MBNL1: variants seen among roughly 807,000 people sequenced by gnomAD.
The protein encoded by MBNL1 is muscleblind like splicing regulator 1.
Under a neutral mutation model 42.2 loss-of-function variants are expected in MBNL1, and 8 were observed. The ratio of observed to expected loss-of-function variants is 0.19; its 90% CI spans 0.11 to 0.34. The LOEUF is 0.34. Ranked by LOEUF, MBNL1 falls within the 10% of genes least tolerant of loss-of-function variation. MBNL1 has a pLI of 1.00. For missense variants in MBNL1, 309 were observed against 495.3 expected, an observed-to-expected ratio of 0.62 and a Z score of 3.57; for synonymous variants, 169 against 173.9, an observed-to-expected ratio of 0.97 and a Z score of 0.22.
intron 9 of MBNL1, among the ~76,000 whole-genome samples, chr3:152,460,653 A>T (rs983751575): frequency 2.0e-5 from 3 of 151,924 alleles, no homozygotes; most frequent in African/African-American, 7.2e-5. Context: ...TTAAATACTT[A>T]AAAAGGTGTC....
intron 2 of MBNL1, among the ~76,000 whole-genome samples, chr3:152,370,416 A>G (rs2096607668): frequency 6.6e-6 from 1 of 152,150 alleles, no homozygotes; most frequent in Admixed American, 6.5e-5. Flanking sequence ...TTTTACTTCC[A>G]ATTCTGTGGT....
chr3:152,290,614 A>T (rs1297091281), intron 1 of MBNL1, among the ~76,000 whole-genome samples: 1 of 152,158 alleles, frequency 6.6e-6, no homozygotes, highest in East Asian at 1.9e-4. Context: ...TGCTACCATT[A>T]TTTAAGCAGT....
chr3:152,425,278 T>C (rs2098902945), intron 3 of MBNL1, among the ~76,000 whole-genome samples: 1 of 151,032 alleles, frequency 6.6e-6, no homozygotes, highest in African/African-American at 2.4e-5. Flanking sequence ...AAGACATTTA[T>C]GTGGCCAACA....
At chr3:152,380,145 T>C (rs999187868) in intron 2 of MBNL1, among the ~76,000 whole-genome samples, 4 of 152,122 alleles carry the variant, frequency 2.6e-5, no homozygotes, top group African/African-American at 7.2e-5. Context: ...ACTGTTAGGT[T>C]CTCTGTATTT....
rs770923985 is a variant in MBNL1, at chr3:152,464,452, GAAGTT to G, written c.*2092_*2096del. The G allele has an allele frequency of 3.1e-4, 48 of 152,620 alleles. No individual in the cohort carries two copies. The highest frequency in any genetic ancestry group is 5.6e-4 in the Non-Finnish European group (38 of 67,968). 9.5% of individuals were successfully genotyped at this position (152,620 alleles called of 1,614,324 possible). A position where few individuals can be genotyped will look rare whatever the true frequency, so the allele number is the denominator to read the frequency against. ...TAAATATATAATCATTGCTAAGTAA[GAAGTT>G]AAGTTGTTGCTATCGCAACAATCCT... On this transcript the variant is annotated 3_prime_UTR_variant, in exon 10 of 10. Coordinates refer to ENST00000324210, the MANE Select transcript of MBNL1 (RefSeq NM_021038.5).
At chr3:152,342,849 C>T (rs2093591161) in intron 2 of MBNL1, among the ~76,000 whole-genome samples, 2 of 152,068 alleles carry the variant, frequency 1.3e-5, no homozygotes, top group East Asian at 3.8e-4. Context: ...ATTGCATTAT[C>T]ATGGATAATA....
intron 1 of MBNL1, among the ~76,000 whole-genome samples, chr3:152,297,909 C>T (rs1388016311): frequency 6.6e-6 from 1 of 152,276 alleles, no homozygotes; most frequent in South Asian, 2.1e-4. Flanking sequence ...CCACCTCAGC[C>T]TCCCAAAGTG....
At chr3:152,310,981 T>G (rs1186422789) in intron 2 of MBNL1, among the ~76,000 whole-genome samples, 1 of 150,168 alleles carries the variant, frequency 6.7e-6, no homozygotes, top group African/African-American at 2.4e-5. Context: ...GTTATTTTTC[T>G]AATGCACAGA....
At position 152,434,301 on chromosome 3, in the gene MBNL1, G is replaced by T. The variant is rs2099049636; in HGVS notation, c.549+1381G>T. ...CCCCACTTACAAGTGAGAACATGTG[G>T]TTATGTGGTTTCCTGCTTCTGTATT... On this transcript the variant is annotated intron_variant, in intron 4 of 9. Transcript: ENST00000324210. 2.0e-5 allele frequency among the ~76,000 whole-genome samples: 3 copies of T among 152,288 alleles called. No homozygotes were observed. In the South Asian group the frequency reaches 6.2e-4, roughly 32 times the overall value.
intron 1 of MBNL1, among the ~76,000 whole-genome samples, chr3:152,276,679 A>G (rs773552854): frequency 5.9e-5 from 9 of 152,140 alleles, no homozygotes; most frequent in Non-Finnish European, 8.8e-5. Context: ...GAAATGAGGA[A>G]TCAGGTGTTC....
chr3:152,410,028 A>G (rs941796300), intron 2 of MBNL1, among the ~76,000 whole-genome samples: 1 of 151,994 alleles, frequency 6.6e-6, no homozygotes, highest in Non-Finnish European at 1.5e-5. Flanking sequence ...CTCTAGTTTC[A>G]TTTAGTTTTA....
intron 2 of MBNL1, chr3:152,301,957 A>T (rs1357744979): frequency 6.6e-6 from 1 of 152,242 alleles, no homozygotes; most frequent in Non-Finnish European, 1.5e-5. Flanking sequence ...AATGAAGGAC[A>T]TTAAATTTGG....
intron 2 of MBNL1, among the ~76,000 whole-genome samples, chr3:152,361,103 A>T (rs1000840257): frequency 1.3e-5 from 2 of 152,176 alleles, no homozygotes; most frequent in African/African-American, 4.8e-5. Flanking sequence ...GTAGAAAAAA[A>T]CCCATATACC....
intron 2 of MBNL1, among the ~76,000 whole-genome samples, chr3:152,406,768 A>G (rs1225605055): frequency 6.6e-6 from 1 of 152,128 alleles, no homozygotes; most frequent in Non-Finnish European, 1.5e-5. Flanking sequence ...GAGAATCTTC[A>G]CCATTAAACT....
chr3:152,423,120 C>CA (rs1178814685), intron 3 of MBNL1, among the ~76,000 whole-genome samples: 2 of 152,076 alleles, frequency 1.3e-5, no homozygotes, highest in African/African-American at 2.4e-5. Flanking sequence ...GATAGAGATA[C>CA]AAAAAACCCT....
At chr3:152,297,747 C>T (rs1409683207) in intron 1 of MBNL1, among the ~76,000 whole-genome samples, 2 of 152,020 alleles carry the variant, frequency 1.3e-5, no homozygotes, top group African/African-American at 2.4e-5. Context: ...GCTTCCGCCT[C>T]CCGGGTTCAA....
At chr3:152,455,613 C>T in intron 7 of MBNL1, 36 bp downstream of exon 7, 1 of 1,594,888 alleles carries the variant, frequency 6.3e-7, no homozygotes. Context: ...TATCTTAAAC[C>T]TATGGTGTAC....
At chr3:152,372,582 T>C (rs991934851) in intron 2 of MBNL1, among the ~76,000 whole-genome samples, 4 of 152,230 alleles carry the variant, frequency 2.6e-5, no homozygotes, top group Admixed American at 6.5e-5. Flanking sequence ...TGGAGTTTGC[T>C]GGAGGTCCAC....
intron 2 of MBNL1, among the ~76,000 whole-genome samples, chr3:152,365,213 T>G (rs918812529): frequency 6.6e-6 from 1 of 152,140 alleles, no homozygotes. Flanking sequence ...AAAACGCTTG[T>G]CAGTTCATTC....
Sources: gnomAD v4.1 joint callset for allele counts (sites outside exome capture counted in the v4.1 genomes callset) on GRCh38, gnomAD v4.1.1 for gene constraint, MANE v1.5 for transcripts, NCBI Gene and HGNC (gene_info 2026-07-23, HGNC 2026-07-21) for gene names.